SLCO4A1: variants seen among roughly 807,000 people sequenced by gnomAD.
SLCO4A1 encodes the protein colon organic anion transporter.
In SLCO4A1, 51 loss-of-function variants were observed where a neutral mutation model predicts 64.6. The observed-to-expected ratio is 0.79, with a 90% CI of 0.63 to 1.00. The LOEUF (loss-of-function observed/expected upper bound fraction) is 1.00. SLCO4A1 is among the 50% of genes least tolerant of loss of function. The pLI is 0.00. For synonymous variants in SLCO4A1, 471 were observed against 444.9 expected (o/e 1.06, Z -0.74); for missense variants, 919 against 980.5 (o/e 0.94, Z 0.84).
chr20:62,672,315 A>G, downstream of SLCO4A1: 1 of 1,066,062 alleles, frequency 9.4e-7, no homozygotes, highest in Non-Finnish European at 1.1e-6. Flanking sequence ...CGCGTGCTTT[A>G]TTTCTATGAG....
At chr20:62,672,593 CA>C (rs1259724574), downstream of SLCO4A1, 1 of 152,242 alleles carries the variant, frequency 6.6e-6, no homozygotes, top group Non-Finnish European at 1.5e-5. Context: ...ATAAACGTGT[CA>C]CAGTAAAATT....
At chr20:62,665,680 C>G (rs957134850) in intron 6 of SLCO4A1, among the ~76,000 whole-genome samples, 7 of 152,150 alleles carry the variant, frequency 4.6e-5, no homozygotes, top group Non-Finnish European at 8.8e-5. Flanking sequence ...CTCCCTCCCC[C>G]ACAGGCCCAT....
At chr20:62,671,697 C>T (rs1238972790) in intron 11 of SLCO4A1, 53 bp from the exon 12 acceptor site, 1 of 1,564,294 alleles carries the variant, frequency 6.4e-7, no homozygotes, top group African/African-American at 1.4e-5. Flanking sequence ...CACCAGTATC[C>T]AAAGGCTCTG....
chr20:62,660,926 G>T (rs1295913065), intron 4 of SLCO4A1, 138 bp from the exon 5 acceptor site: 2 of 641,938 alleles, frequency 3.1e-6, no homozygotes, highest in Non-Finnish European at 5.4e-6. Flanking sequence ...CCCCGGGGCT[G>T]CGAGGGCTGC....
intron 7 of SLCO4A1, 29 bp downstream of exon 7, chr20:62,666,604 G>A (rs370893505): frequency 1.5e-4 from 245 of 1,600,474 alleles, no homozygotes; most frequent in African/African-American, 1.3e-3. Flanking sequence ...CTGGGTACGC[G>A]TCGGGGCCCC....
chr20:62,659,748 C>G (rs1264110730), intron 3 of SLCO4A1, among the ~76,000 whole-genome samples: 3 of 152,246 alleles, frequency 2.0e-5, no homozygotes, highest in African/African-American at 2.4e-5. Context: ...TGTCCTCTGT[C>G]TGTCTCTGCG....
At chr20:62,652,064 G>A (rs928895077) in intron 1 of SLCO4A1, 6 of 21,708 alleles carry the variant, frequency 2.8e-4, no homozygotes, top group South Asian at 1.5e-3. Context: ...CCCCACCCCC[G>A]CTCGGCCCCC....
intron 1 of SLCO4A1, among the ~76,000 whole-genome samples, chr20:62,652,422 G>GGCCGGTGGAGCCCTTGCGCCTCCTCGGCC (rs1982738308): frequency 6.6e-6 from 1 of 152,188 alleles, no homozygotes; most frequent in East Asian, 1.9e-4. Flanking sequence ...GGCGGCCGGC[G>GGCCGGTGGAGCCCTTGCGCCTCCTCGGCC]GCCGGTGGAG....
At chr20:62,663,116 G>A (rs952836337) in intron 5 of SLCO4A1, 1 of 152,228 alleles carries the variant, frequency 6.6e-6, no homozygotes, top group Non-Finnish European at 1.5e-5. Context: ...CAGTCTGAGC[G>A]AGCCAGCGAA....
rs372253488 is a variant in SLCO4A1 at position 62,665,024 on chromosome 20, G to A, written c.1212G>A (p.Thr404=). The part of the protein sequence containing the change: ...TEATLITGMS[T]FSPKFLESQF... Reference sequence around the variant, plus strand: ...CCACTCTCATCACCGGCATGTCCACGTTCAGCCCCAAGTTCTTGGAGTCCC... The same window carrying A: ...CCACTCTCATCACCGGCATGTCCACATTCAGCCCCAAGTTCTTGGAGTCCC... Residue 404 remains threonine (T), a synonymous_variant, in exon 6 of 12, where the codon ACG becomes ACA. Coordinates refer to ENST00000217159, the MANE Select transcript of SLCO4A1 (RefSeq NM_016354.4). 21 of 1,613,724 alleles carry A rather than the reference G, an allele frequency of 1.3e-5. No homozygotes were observed. The highest frequency in any genetic ancestry group is 1.1e-4 in the African/African-American group (8 of 74,900).
chr20:62,657,043 T>C lies in SLCO4A1; in HGVS notation c.589T>C (p.Tyr197His), dbSNP rs1239499376. The C allele has an allele frequency of 6.3e-7, 1 of 1,594,626 alleles. No individual in the cohort carries two copies. The highest frequency in any genetic ancestry group is 1.7e-5 in the Admixed American group (1 of 59,580). Residue 197 changes from tyrosine (Y) to histidine (H), a missense_variant, in exon 2 of 12, where the codon TAT becomes CAT. Tyr to His is a moderately conservative substitution (Grantham distance 83). Transcript: ENST00000217159. ...FALPHFTAGR[Y>H]EVELDAGVRT... ...GCTGCCCCACTTCACGGCTGGCCGC[T>C]ATGAGGTGGAGTTGGACGCGGGTGT...
chr20:62,682,122 G>T (rs550238792), intron 2 of SLCO4A1, among the ~76,000 whole-genome samples: 2 of 152,212 alleles, frequency 1.3e-5, no homozygotes, highest in Non-Finnish European at 2.9e-5. Context: ...TTTGAAAGGG[G>T]AGCCGACGGT....
chr20:62,680,944 A>G (rs1987796789), intron 2 of SLCO4A1, among the ~76,000 whole-genome samples: 1 of 151,998 alleles, frequency 6.6e-6, no homozygotes, highest in South Asian at 2.1e-4. Context: ...TCACTCTGTC[A>G]CCTGGGCTGG....
rs62199878 is a variant in SLCO4A1, at chr20:62,645,523, G to C, written c.-97+2970G>C. Among the ~76,000 whole-genome samples the C allele has an allele frequency of 0.96, 142,644 of 148,034 alleles. 68,956 individuals are homozygous for C. The highest frequency in any genetic ancestry group is 1 in the East Asian group (4,768 of 4,770). On this transcript the variant is annotated intron_variant, in intron 1 of 11. Coordinates refer to ENST00000217159, the MANE Select transcript of SLCO4A1 (RefSeq NM_016354.4). This position sits in a 1 kb window ranked among gnomAD's most constrained non-coding sequence, Gnocchi z 4.2. ...ACCCTCACCCTCATCCTCACCCGCA[G>C]CCTCACCCTCAGTCCTCAGACACTG...
rs1260915616 is a variant in SLCO4A1, at chr20:62,661,259, G to A, written c.1121+84G>A. On this transcript the variant is annotated intron_variant, in intron 5 of 11. Coordinates refer to ENST00000217159, the MANE Select transcript of SLCO4A1 (RefSeq NM_016354.4). The surrounding 1 kb of genome is among the most constrained non-coding windows in gnomAD (Gnocchi z 5.2). ...TTGGGGGAGTCGTTGAGACCCCTCC[G>A]GGATCATGATGGGGACGCAGCCCCT... 1.2e-5 allele frequency: 12 copies of A among 963,492 alleles called. No homozygotes were observed. The highest frequency in any genetic ancestry group is 1.6e-5 in the African/African-American group (1 of 62,364). The allele number at this position is 963,492 out of a possible 1,614,324, so 59.7% of individuals were successfully genotyped here. A position where few individuals can be genotyped will look rare whatever the true frequency, so the allele number is the denominator to read the frequency against.
At chr20:62,660,626 C>A (rs965371998) in intron 4 of SLCO4A1, 93 bp downstream of exon 4, 26 of 1,424,712 alleles carry the variant, frequency 1.8e-5, no homozygotes, top group Non-Finnish European at 2.3e-5. Flanking sequence ...CTGTCTTTTT[C>A]CCCGCCATGA....
chr20:62,688,198 C>T (rs1988126705), downstream of SLCO4A1, among the ~76,000 whole-genome samples: 1 of 152,192 alleles, frequency 6.6e-6, no homozygotes, highest in Admixed American at 6.5e-5. Context: ...AGAAGCTGGG[C>T]GTCCACTGAG....
At chr20:62,672,427 C>T (rs1340028873), downstream of SLCO4A1, 3 of 293,422 alleles carry the variant, frequency 1.0e-5, no homozygotes. Context: ...CCACAGGCTC[C>T]CCCGTAAGTC....
At chr20:62,683,399 C>T (rs1288688925) in intron 2 of SLCO4A1, among the ~76,000 whole-genome samples, 1 of 152,022 alleles carries the variant, frequency 6.6e-6, no homozygotes, top group Non-Finnish European at 1.5e-5. Context: ...TCGGTGGGGG[C>T]ACCTGCTCCA....
Sources: gnomAD v4.1 joint callset for allele counts (sites outside exome capture counted in the v4.1 genomes callset) on GRCh38, gnomAD v4.1.1 for gene constraint, Gnocchi (gnomAD v3.1) non-coding constraint, MANE v1.5 for transcripts, NCBI Gene and HGNC (gene_info 2026-07-23, HGNC 2026-07-21) for gene names.